Variants in PRKD1 observed in about 807,000 individuals in gnomAD.
PRKD1 encodes the protein serine/threonine-protein kinase D1.
Under a neutral mutation model 95.9 loss-of-function variants are expected in PRKD1, and 63 were observed. The observed-to-expected ratio is 0.66, with a 90% CI of 0.54 to 0.81. PRKD1 has a LOEUF of 0.81. PRKD1 is among the 30% of genes least tolerant of loss of function. The probability of loss-of-function intolerance (pLI) is 0.00; values close to 1 mark genes in which losing one functional copy is unlikely to be tolerated. For synonymous variants in PRKD1, 425 were observed against 423.1 expected (o/e 1.00, Z -0.05); for missense variants, 1,048 against 1,165.3 (o/e 0.90, Z 1.47).
At chr14:29,615,122 G>T (rs1012459737) in intron 13 of PRKD1, among the ~76,000 whole-genome samples, 1 of 151,258 alleles carries the variant, frequency 6.6e-6, no homozygotes. Flanking sequence ...AAGTGGAATA[G>T]GCTCAAGGAA....
At chr14:29,840,223 ATC>A (rs1891779987) in intron 1 of PRKD1, among the ~76,000 whole-genome samples, 1 of 152,124 alleles carries the variant, frequency 6.6e-6, no homozygotes, top group Admixed American at 6.5e-5. Flanking sequence ...ACCCTAAATC[ATC>A]TCTCTCAAGT....
At chr14:29,577,829 T>C (rs1186316734) in intron 17 of PRKD1, among the ~76,000 whole-genome samples, 4 of 152,150 alleles carry the variant, frequency 2.6e-5, no homozygotes, top group Admixed American at 2.6e-4. Context: ...TCCATATACT[T>C]TGTATTTGCC....
intron 1 of PRKD1, among the ~76,000 whole-genome samples, chr14:29,922,056 T>A (rs1470241838): frequency 6.6e-6 from 1 of 152,116 alleles, no homozygotes; most frequent in East Asian, 1.9e-4. Context: ...GCAGAGTTTC[T>A]CTTGGGAGGC....
At chr14:29,864,061 T>A (rs1381009090) in intron 1 of PRKD1, among the ~76,000 whole-genome samples, 2 of 152,112 alleles carry the variant, frequency 1.3e-5, no homozygotes, top group African/African-American at 4.8e-5. Flanking sequence ...AGTTAAAGCA[T>A]AAAATTTTTC....
At chr14:29,695,461 T>C (rs1478031646) in intron 2 of PRKD1, among the ~76,000 whole-genome samples, 1 of 152,054 alleles carries the variant, frequency 6.6e-6, no homozygotes, top group Non-Finnish European at 1.5e-5. Flanking sequence ...AACTGATATG[T>C]TGAATGGAAA....
intron 1 of PRKD1, among the ~76,000 whole-genome samples, chr14:29,739,369 T>C (rs1023672491): frequency 8.0e-5 from 12 of 149,946 alleles, no homozygotes; most frequent in Admixed American, 7.9e-4. Flanking sequence ...AGACCTCTCT[T>C]TTTTTTTAGC....
chr14:29,775,322 C>T (rs144411923), intron 1 of PRKD1, among the ~76,000 whole-genome samples: 23 of 152,172 alleles, frequency 1.5e-4, no homozygotes, highest in African/African-American at 5.3e-4. Flanking sequence ...TGCAGCCCAC[C>T]GAATGAGAGT....
At chr14:29,795,512 T>G (rs1889774373) in intron 1 of PRKD1, among the ~76,000 whole-genome samples, 1 of 152,138 alleles carries the variant, frequency 6.6e-6, no homozygotes, top group Admixed American at 6.5e-5. Context: ...TTAAACATTG[T>G]CTTTTCTTCA....
intron 1 of PRKD1, among the ~76,000 whole-genome samples, chr14:29,750,072 T>C (rs578168375): frequency 2.1e-4 from 32 of 152,296 alleles, no homozygotes; most frequent in Admixed American, 1.8e-3. Flanking sequence ...ACACAAGTCA[T>C]TATTTGAGGA....
chr14:29,813,556 G>C (rs1019589347), intron 1 of PRKD1, among the ~76,000 whole-genome samples: 1 of 152,124 alleles, frequency 6.6e-6, no homozygotes, highest in African/African-American at 2.4e-5. Context: ...TCTAGGGAGA[G>C]GGTGAGGCCA....
At chr14:29,673,964 G>C (rs1883011037) in intron 2 of PRKD1, among the ~76,000 whole-genome samples, 1 of 152,098 alleles carries the variant, frequency 6.6e-6, no homozygotes, top group South Asian at 2.1e-4. Context: ...CTGAACCTCA[G>C]TGTCCCTTTC....
chr14:29,877,162 AAAGAAG>A (rs146854242), intron 1 of PRKD1, among the ~76,000 whole-genome samples: 243 of 152,292 alleles, frequency 1.6e-3, no homozygotes, highest in African/African-American at 5.4e-3. Context: ...AAAGAAAAAA[AAAGAAG>A]AAGAAGAAGT....
At chr14:29,776,435 T>G (rs539226653) in intron 1 of PRKD1, among the ~76,000 whole-genome samples, 1 of 152,040 alleles carries the variant, frequency 6.6e-6, no homozygotes. Context: ...ATAAGTAGTG[T>G]AGAGAAGTCC....
At chr14:29,729,942 A>G (rs549498331) in intron 1 of PRKD1, among the ~76,000 whole-genome samples, 3 of 152,228 alleles carry the variant, frequency 2.0e-5, no homozygotes, top group Non-Finnish European at 4.4e-5. Flanking sequence ...AATTACTAGA[A>G]GATGTGGAGA....
intron 2 of PRKD1, among the ~76,000 whole-genome samples, chr14:29,696,392 A>G (rs993722837): frequency 3.3e-5 from 5 of 152,224 alleles, no homozygotes; most frequent in African/African-American, 1.2e-4. Context: ...AGATACGAAA[A>G]TCAAGTTTCC....
At chr14:29,900,154 T>C (rs375659939) in intron 1 of PRKD1, among the ~76,000 whole-genome samples, 33 of 152,340 alleles carry the variant, frequency 2.2e-4, no homozygotes, top group Admixed American at 5.2e-4. Flanking sequence ...TGGACTAATA[T>C]GTAAGTGTTC....
chr14:29,769,254 C>T (rs891650653), intron 1 of PRKD1, among the ~76,000 whole-genome samples: 2 of 152,092 alleles, frequency 1.3e-5, no homozygotes, highest in African/African-American at 4.8e-5. Context: ...CTCTCTCTCT[C>T]TCTTTTCTTT....
chr14:29,611,770 G>C (rs890304620), intron 13 of PRKD1, among the ~76,000 whole-genome samples: 1 of 148,720 alleles, frequency 6.7e-6, no homozygotes, highest in Admixed American at 6.7e-5. Flanking sequence ...ACAAACGCTG[G>C]AATCTACATG....
Position 29,927,575 on chromosome 14 carries a change from G to C in PRKD1, c.-63C>G, listed in dbSNP as rs2139152536. 1.8e-6 allele frequency: 2 copies of C among 1,097,046 alleles called. No individual in the cohort carries two copies. The highest frequency in any genetic ancestry group is 5.0e-5 in the Admixed American group (1 of 19,806). The allele number at this position is 1,097,046 out of a possible 1,614,324, so 68.0% of individuals were successfully genotyped here. On this transcript the variant is annotated 5_prime_UTR_variant, in exon 1 of 18. Transcript: ENST00000331968. ...GGGCTGGCGGCGCGGCAGCAGGAAA[G>C]TTTTGCAGCCGCTGAGCCAGGAGCT...
Sources: gnomAD v4.1 joint callset for allele counts (sites outside exome capture counted in the v4.1 genomes callset) on GRCh38, gnomAD v4.1.1 for gene constraint, MANE v1.5 for transcripts, NCBI Gene and HGNC (gene_info 2026-07-23, HGNC 2026-07-21) for gene names.